KCNH1: variants seen among roughly 807,000 people sequenced by gnomAD.
KCNH1 encodes the protein voltage-gated delayed rectifier potassium channel KCNH1.
A neutral mutation model predicts 69.2 loss-of-function variants in KCNH1; 27 were observed. The observed-to-expected ratio is 0.39, with a 90% CI of 0.29 to 0.54. KCNH1 has a LOEUF of 0.54. KCNH1 is among the 20% of genes least tolerant of loss of function. KCNH1 has a pLI of 0.68. For synonymous variants in KCNH1, 456 were observed against 487.7 expected (o/e 0.93, Z 0.86); for missense variants, 798 against 1,261.6 (o/e 0.63, Z 5.57).
At chr1:211,053,296 G>T (rs1019201300) in intron 5 of KCNH1, among the ~76,000 whole-genome samples, 1 of 152,186 alleles carries the variant, frequency 6.6e-6, no homozygotes, top group Non-Finnish European at 1.5e-5. Context: ...CTAAGTAAAT[G>T]CAAGTAAACT....
chr1:210,920,066 T>A lies in KCNH1; in HGVS notation c.1036A>T (p.Ile346Phe). ...TTTAGAGAGCTGAACAGGCTGCTGA[T>A]GCCCTGGGAGAAGAGGAACACAGCG... ...PPLEGRESQGISSLFSSLKVV... is the reference protein window; with the variant it reads ...PPLEGRESQGFSSLFSSLKVV... The change falls in exon 7 of 11, where the codon ATC becomes TTC. Residue 346 changes from isoleucine to phenylalanine, a missense_variant. Ile to Phe is a conservative substitution (Grantham distance 21). Coordinates refer to ENST00000271751, the MANE Select transcript of KCNH1 (RefSeq NM_172362.3). 1 of 1,611,510 alleles carries A rather than the reference T, an allele frequency of 6.2e-7. No homozygotes were observed. Among genetic ancestry groups the A allele is most frequent in the African/African-American group, 1.3e-5 (1 of 75,022 alleles).
At chr1:210,848,343 G>C (rs1267274268) in intron 7 of KCNH1, among the ~76,000 whole-genome samples, 2 of 152,070 alleles carry the variant, frequency 1.3e-5, no homozygotes, top group African/African-American at 4.8e-5. Flanking sequence ...TGACTGGTTG[G>C]TCACATGGCT....
intron 5 of KCNH1, among the ~76,000 whole-genome samples, chr1:211,027,659 A>T (rs2102420140): frequency 6.6e-6 from 1 of 152,266 alleles, no homozygotes; most frequent in South Asian, 2.1e-4. Context: ...CTTGAACTTG[A>T]AGATAAAACA....
At chr1:210,731,103 T>C (rs1435324973) in intron 10 of KCNH1, among the ~76,000 whole-genome samples, 1 of 152,260 alleles carries the variant, frequency 6.6e-6, no homozygotes, top group African/African-American at 2.4e-5. Flanking sequence ...CCCCACTCTG[T>C]TATTTCCTTA....
intron 10 of KCNH1, among the ~76,000 whole-genome samples, chr1:210,703,303 T>C (rs1026847514): frequency 2.6e-5 from 4 of 152,308 alleles, no homozygotes; most frequent in Non-Finnish European, 5.9e-5. Flanking sequence ...GAAAAGGAAA[T>C]TTAAATGACT....
intron 5 of KCNH1, among the ~76,000 whole-genome samples, chr1:211,059,538 C>T (rs968226098): frequency 9.2e-5 from 14 of 151,920 alleles, no homozygotes; most frequent in African/African-American, 1.4e-4. Context: ...GTCAGGAGAT[C>T]GAGACCATCC....
rs540506396 is a variant in KCNH1 at position 210,761,018 on chromosome 1, C to T, written c.2112+14330G>A. On this transcript the variant is annotated intron_variant, in intron 10 of 10. Coordinates refer to ENST00000271751, the MANE Select transcript of KCNH1 (RefSeq NM_172362.3). Reference sequence around the variant, plus strand: ...CTGTAATCCCAGCACTTTGGGAGGCCGAGGCGGGCGGATCACAAGGTCAGG... The same window carrying T: ...CTGTAATCCCAGCACTTTGGGAGGCTGAGGCGGGCGGATCACAAGGTCAGG... 8.8e-4 allele frequency among the ~76,000 whole-genome samples: 134 copies of T among 151,798 alleles called. 1 individual carries two copies. The South Asian group carries it at 0.013, about 14-fold the overall frequency.
At chr1:210,717,503 A>C (rs1472985389) in intron 10 of KCNH1, among the ~76,000 whole-genome samples, 1 of 152,170 alleles carries the variant, frequency 6.6e-6, no homozygotes, top group African/African-American at 2.4e-5. Flanking sequence ...ACTCCTGAGC[A>C]GACTGTCTGT....
chr1:211,070,479 A>G (rs1690621992), intron 5 of KCNH1, among the ~76,000 whole-genome samples: 1 of 150,764 alleles, frequency 6.6e-6, no homozygotes, highest in Non-Finnish European at 1.5e-5. Context: ...ATCCAGTCAT[A>G]TCATATTCAA....
intron 10 of KCNH1, among the ~76,000 whole-genome samples, chr1:210,712,828 A>G (rs1416350170): frequency 3.3e-5 from 5 of 152,176 alleles, no homozygotes; most frequent in Non-Finnish European, 7.3e-5. Context: ...ACCTGCCTAC[A>G]AGTCTTGGAA....
intron 7 of KCNH1, among the ~76,000 whole-genome samples, chr1:210,855,548 G>A (rs1371366861): frequency 6.6e-6 from 1 of 152,138 alleles, no homozygotes; most frequent in Non-Finnish European, 1.5e-5. Flanking sequence ...CTTTAGGCTG[G>A]CAACTAAACA....
chr1:211,121,375 A>G (rs933273285), intron 1 of KCNH1, among the ~76,000 whole-genome samples: 6 of 152,150 alleles, frequency 3.9e-5, no homozygotes, highest in Non-Finnish European at 8.8e-5. Context: ...AAATAAAACC[A>G]CACATCTACA....
At chr1:211,128,803 C>T (rs138039705) in intron 1 of KCNH1, among the ~76,000 whole-genome samples, 8 of 152,080 alleles carry the variant, frequency 5.3e-5, no homozygotes, top group East Asian at 1.9e-4. Flanking sequence ...TTTTGTTCCA[C>T]GGAGCAGACT....
chr1:210,701,776 C>A (rs1278547084), intron 10 of KCNH1, among the ~76,000 whole-genome samples: 1 of 152,032 alleles, frequency 6.6e-6, no homozygotes, highest in Non-Finnish European at 1.5e-5. Context: ...CCAGAGACAT[C>A]GTTTCTGGGG....
At chr1:210,828,138 C>T (rs570937802) in intron 7 of KCNH1, among the ~76,000 whole-genome samples, 23 of 152,152 alleles carry the variant, frequency 1.5e-4, no homozygotes, top group African/African-American at 4.3e-4. Flanking sequence ...CCACCGCACC[C>T]GGCCTCAGTT....
At chr1:210,841,345 C>A (rs1229442625) in intron 7 of KCNH1, among the ~76,000 whole-genome samples, 1 of 152,194 alleles carries the variant, frequency 6.6e-6, no homozygotes, top group Non-Finnish European at 1.5e-5. Context: ...AAGCTATCAA[C>A]TAGTTCCTTC....
chr1:210,788,971 C>T (rs377057125), intron 9 of KCNH1, among the ~76,000 whole-genome samples: 2 of 148,962 alleles, frequency 1.3e-5, no homozygotes, highest in East Asian at 1.9e-4. Flanking sequence ...GCTGGGATTA[C>T]AGGCGTGAGC....
At chr1:210,970,718 C>T (rs912844210) in intron 6 of KCNH1, among the ~76,000 whole-genome samples, 15 of 152,080 alleles carry the variant, frequency 9.9e-5, no homozygotes, top group African/African-American at 2.7e-4. Flanking sequence ...CCATTCAGGA[C>T]GTAAGGGTGG....
chr1:210,747,254 T>C (rs1455269721), intron 10 of KCNH1, among the ~76,000 whole-genome samples: 1 of 152,078 alleles, frequency 6.6e-6, no homozygotes, highest in African/African-American at 2.4e-5. Flanking sequence ...AGGGCAGTCT[T>C]AGAGAGCCAC....
Sources: gnomAD v4.1 joint callset for allele counts (sites outside exome capture counted in the v4.1 genomes callset) on GRCh38, gnomAD v4.1.1 for gene constraint, MANE v1.5 for transcripts, NCBI Gene and HGNC (gene_info 2026-07-23, HGNC 2026-07-21) for gene names.